TOP1MT: variants seen among roughly 807,000 people sequenced by gnomAD.
TOP1MT encodes the protein DNA topoisomerase I mitochondrial.
A neutral mutation model predicts 73.9 loss-of-function variants in TOP1MT; 80 were observed. The ratio of observed to expected loss-of-function variants is 1.08; its 90% CI spans 0.90 to 1.30. The LOEUF is 1.30. TOP1MT is among the 50% of genes most tolerant of loss of function. TOP1MT has a pLI of 0.00. For missense variants in TOP1MT, 815 were observed against 808.0 expected (o/e 1.01, Z -0.10); for synonymous variants, 338 against 326.4 (o/e 1.04, Z -0.38).
chr8:143,342,029 CAG>C (rs1160352373), intron 2 of TOP1MT, among the ~76,000 whole-genome samples: 1 of 141,466 alleles, frequency 7.1e-6, no homozygotes, highest in African/African-American at 2.8e-5. Flanking sequence ...ATATTAGAGA[CAG>C]AGTCTCGCTG....
Position 143,341,003 on chromosome 8 carries a change from G to C in TOP1MT, c.29+2217C>G, listed in dbSNP as rs527280959. On this transcript the variant is annotated intron_variant, in intron 2 of 5. Coordinates refer to the TOP1MT transcript ENST00000518007. This position sits in a 1 kb window ranked among gnomAD's most constrained non-coding sequence, Gnocchi z 4.1. ...GTGCACCTGCTCCTGGCCACGCTTCGCACCTCTTCTGTGGGAACTGCTCTG... is the reference window on the plus strand; with the variant it reads ...GTGCACCTGCTCCTGGCCACGCTTCCCACCTCTTCTGTGGGAACTGCTCTG... Among the ~76,000 whole-genome samples the C allele has an allele frequency of 2.0e-5, 3 of 152,018 alleles. No homozygotes were observed. Among genetic ancestry groups the C allele is most frequent in the Admixed American group, 2.0e-4 (3 of 15,250 alleles).
intron 1 of TOP1MT, among the ~76,000 whole-genome samples, chr8:143,350,668 G>A (rs936225182): frequency 2.6e-5 from 4 of 152,132 alleles, no homozygotes; most frequent in African/African-American, 7.2e-5. Flanking sequence ...CCTTATTATC[G>A]AATATCCACG....
At chr8:143,309,590 T>C (rs746549101) in intron 13 of TOP1MT, 47 bp from the exon 14 acceptor site, 2 of 1,609,774 alleles carry the variant, frequency 1.2e-6, no homozygotes, top group South Asian at 1.1e-5. Flanking sequence ...CTCACCCACC[T>C]TGAAGGCCAG....
At chr8:143,320,409 C>T (rs545338374) in intron 8 of TOP1MT, among the ~76,000 whole-genome samples, 2 of 152,196 alleles carry the variant, frequency 1.3e-5, no homozygotes, top group Admixed American at 6.5e-5. Flanking sequence ...GGATTACAGG[C>T]GTGAGCCACC....
In TOP1MT at chr8:143,321,844, C is replaced by CACAG. The variant is rs1491335517; in HGVS notation, c.961-459_961-458insCTGT. On this transcript the variant is annotated intron_variant, in intron 7 of 13. Transcript: ENST00000329245. ...ACGCACGCTACACACACACGCCACA[C>CACAG]GCACGCCACACACGCATGCCACACG... Among the ~76,000 whole-genome samples the CACAG allele has an allele frequency of 7.0e-4, 73 of 103,698 alleles. 1 individual carries two copies. Among genetic ancestry groups the CACAG allele is most frequent in the Non-Finnish European group, 9.9e-4 (51 of 51,742 alleles). The allele number at this position is 103,698 out of a possible 152,430, so 68.0% of individuals were successfully genotyped here. A position where few individuals can be genotyped will look rare whatever the true frequency, so the allele number is the denominator to read the frequency against.
chr8:143,329,618 G>C (rs187867771), intron 2 of TOP1MT, 147 bp from the exon 3 acceptor site: 1 of 966,030 alleles, frequency 1.0e-6, no homozygotes, highest in African/African-American at 1.7e-5. Context: ...TCAGAAGCAT[G>C]TTCTGCATGA....
At chr8:143,317,660 A>T in intron 10 of TOP1MT, 63 bp downstream of exon 10, 1 of 1,439,826 alleles carries the variant, frequency 6.9e-7, no homozygotes, top group Non-Finnish European at 9.6e-7. Context: ...CCAGCCGGGG[A>T]GCCCGGTCTG....
chr8:143,331,554 G>A (rs1183817405), intron 1 of TOP1MT, among the ~76,000 whole-genome samples: 1 of 152,188 alleles, frequency 6.6e-6, no homozygotes, highest in Non-Finnish European at 1.5e-5. Context: ...ACCTGCAGAG[G>A]CCCGTGTGCT....
At chr8:143,311,977 T>C (rs112535038) in intron 12 of TOP1MT, among the ~76,000 whole-genome samples, 190 of 152,288 alleles carry the variant, frequency 1.2e-3, no homozygotes, top group African/African-American at 4.4e-3. Context: ...TCAGTAACTT[T>C]AAACGTCTCC....
intron 1 of TOP1MT, chr8:143,343,698 G>C (rs1306262557): frequency 6.2e-6 from 1 of 161,202 alleles, no homozygotes; most frequent in Non-Finnish European, 1.4e-5. Context: ...AGAAGTGTGA[G>C]AAAATATATT....
In TOP1MT at chr8:143,321,423, GCACACGCACGCCACA is replaced by G. The variant is rs781639183; in HGVS notation, c.961-52_961-38del. 307 of 1,500,270 alleles carry G rather than the reference GCACACGCACGCCACA, an allele frequency of 2.0e-4. 8 individuals are homozygous for G. The highest frequency in any genetic ancestry group is 6.2e-4 in the Middle Eastern group (3 of 4,856). The allele number at this position is 1,500,270 out of a possible 1,614,324, so 92.9% of individuals were successfully genotyped here. On this transcript the variant is annotated intron_variant, in intron 7 of 13. Transcript: ENST00000329245. ...GGAATGGTCAAAGTGGGTGGTGCGT[GCACACGCACGCCACA>G]CACACGCACGCCACACACACGCACG...
At chr8:143,314,862 G>A (rs1015349903) in intron 12 of TOP1MT, among the ~76,000 whole-genome samples, 15 of 152,028 alleles carry the variant, frequency 9.9e-5, no homozygotes, top group African/African-American at 3.4e-4. Context: ...AATAATCCTC[G>A]CTCTACAATC....
chr8:143,334,663 G>A (rs1011197047), intron 1 of TOP1MT, 77 bp downstream of exon 1: 29 of 1,562,644 alleles, frequency 1.9e-5, no homozygotes, highest in Non-Finnish European at 2.3e-5. Context: ...GTCCCACGAG[G>A]CCTGCCACTC....
chr8:143,348,649 A>C (rs1817269418), upstream of TOP1MT, among the ~76,000 whole-genome samples: 1 of 151,956 alleles, frequency 6.6e-6, no homozygotes, highest in African/African-American at 2.4e-5. This position sits in a 1 kb window ranked among gnomAD's most constrained non-coding sequence, Gnocchi z 4.6. Context: ...ATCTAGCCCC[A>C]TGCGCCGCTG....
At chr8:143,324,436 T>C in intron 6 of TOP1MT, 49 bp downstream of exon 6, 3 of 1,611,976 alleles carry the variant, frequency 1.9e-6, no homozygotes, top group Non-Finnish European at 2.5e-6. Flanking sequence ...GCCGGCGTCC[T>C]CAGGGGGACC....
rs1816677907 is a variant in TOP1MT, at chr8:143,325,399, C to T, written c.618G>A (p.Met206Ile). 6.2e-7 allele frequency: 1 copy of T among 1,611,722 alleles called. No homozygotes were observed. Reference sequence around the variant, plus strand: ...GCGTGATCCTTCTCTTCAGCATCCCCATCTTGGGATGGTCGCCACGGCCAC... The same window carrying T: ...GCGTGATCCTTCTCTTCAGCATCCCTATCTTGGGATGGTCGCCACGGCCAC... ...LFRGRGDHPK[M>I]GMLKRRITPE... Residue 206 changes from methionine to isoleucine, a missense_variant, in exon 5 of 14, where the codon ATG (methionine) becomes ATA (isoleucine). Coordinates refer to ENST00000329245, the MANE Select transcript of TOP1MT (RefSeq NM_052963.3).
chr8:143,329,825 A>C (rs1816805816), intron 2 of TOP1MT, among the ~76,000 whole-genome samples: 1 of 152,252 alleles, frequency 6.6e-6, no homozygotes, highest in Non-Finnish European at 1.5e-5. Flanking sequence ...CACAAGTAAA[A>C]TAAAAGTTAA....
intron 8 of TOP1MT, among the ~76,000 whole-genome samples, chr8:143,320,474 C>A (rs930549259): frequency 6.6e-6 from 1 of 152,092 alleles, no homozygotes; most frequent in Non-Finnish European, 1.5e-5. Context: ...CATTATGTTG[C>A]CCAAGTGGTC....
intron 12 of TOP1MT, among the ~76,000 whole-genome samples, chr8:143,314,835 CTT>C (rs1314119847): frequency 6.6e-6 from 1 of 152,092 alleles, no homozygotes; most frequent in Non-Finnish European, 1.5e-5. Flanking sequence ...AGCAATTACT[CTT>C]TTTTCCAATA....
Sources: allele counts gnomAD v4.1 joint callset (sites outside exome capture counted in the v4.1 genomes callset), GRCh38; gene constraint gnomAD v4.1.1; non-coding constraint Gnocchi (gnomAD v3.1); transcripts MANE v1.5; gene names NCBI Gene and HGNC (gene_info 2026-07-23, HGNC 2026-07-21).